SYN3: variants seen among roughly 807,000 people sequenced by gnomAD.
SYN3 encodes synapsin-3.
In SYN3, 35 loss-of-function variants were observed where a neutral mutation model predicts 65.8. The ratio of observed to expected loss-of-function variants is 0.53; its 90% CI spans 0.41 to 0.70. The LOEUF (loss-of-function observed/expected upper bound fraction) is 0.70. Among genes scored for constraint, SYN3 ranks in the 30% least tolerant of loss-of-function variants. The pLI, the probability that SYN3 is intolerant of heterozygous loss-of-function variation, is 0.00. For synonymous variants in SYN3, 270 were observed against 292.9 expected, an observed-to-expected ratio of 0.92 and a Z score of 0.80; for missense variants, 680 against 749.0, an observed-to-expected ratio of 0.91 and a Z score of 1.08.
intron 2 of SYN3, among the ~76,000 whole-genome samples, chr22:32,986,031 C>T (rs1221988574): frequency 6.6e-6 from 1 of 152,064 alleles, no homozygotes; most frequent in African/African-American, 2.4e-5. Flanking sequence ...CTGCCCTCTG[C>T]CCCCAAACAT....
chr22:32,607,777 C>T (rs1418400074), intron 6 of SYN3, among the ~76,000 whole-genome samples: 1 of 152,198 alleles, frequency 6.6e-6, no homozygotes, highest in African/African-American at 2.4e-5. Context: ...CTTGTTCTTG[C>T]CTGTGTGATG....
At chr22:32,877,690 T>G (rs1242941739) in intron 4 of SYN3, among the ~76,000 whole-genome samples, 1 of 152,152 alleles carries the variant, frequency 6.6e-6, no homozygotes, top group Non-Finnish European at 1.5e-5. Context: ...GCATGATCAC[T>G]GTCCCCCTTC....
intron 6 of SYN3, among the ~76,000 whole-genome samples, chr22:32,671,562 C>T (rs575634951): frequency 1.5e-5 from 2 of 135,790 alleles, no homozygotes; most frequent in African/African-American, 5.0e-5. Flanking sequence ...CACACACACA[C>T]ATGCTCTCAA....
intron 6 of SYN3, among the ~76,000 whole-genome samples, chr22:32,765,314 C>G (rs1332075642): frequency 2.6e-5 from 4 of 152,162 alleles, no homozygotes; most frequent in Non-Finnish European, 5.9e-5. Context: ...ACACCCGCCA[C>G]AAACCTCGCT....
chr22:32,937,029 A>G (rs2050793541), intron 3 of SYN3, among the ~76,000 whole-genome samples: 1 of 152,236 alleles, frequency 6.6e-6, no homozygotes. Flanking sequence ...GAATCTAACA[A>G]AACCCAGCAC....
At chr22:32,903,321 T>G (rs2049813539) in intron 4 of SYN3, among the ~76,000 whole-genome samples, 1 of 152,234 alleles carries the variant, frequency 6.6e-6, no homozygotes, top group African/African-American at 2.4e-5. Context: ...CAAGCTGTTA[T>G]GACCTGTGAG....
intron 4 of SYN3, among the ~76,000 whole-genome samples, chr22:32,889,619 A>G (rs949159383): frequency 1.3e-5 from 2 of 152,222 alleles, no homozygotes; most frequent in Non-Finnish European, 2.9e-5. Context: ...ATCAACGCAT[A>G]TATTTGTAAA....
At chr22:33,007,439 G>A (rs1238234847) in intron 1 of SYN3, among the ~76,000 whole-genome samples, 6 of 151,888 alleles carry the variant, frequency 4.0e-5, no homozygotes, top group Non-Finnish European at 7.4e-5. Flanking sequence ...ACTATGGACC[G>A]GCATGTCCCC....
intron 6 of SYN3, among the ~76,000 whole-genome samples, chr22:32,629,004 T>C (rs917387291): frequency 6.6e-6 from 1 of 152,084 alleles, no homozygotes; most frequent in Admixed American, 6.5e-5. Context: ...CTCCGCCTGA[T>C]AGAAAGAGAA....
At chr22:32,955,408 C>T (rs934006971) in intron 3 of SYN3, among the ~76,000 whole-genome samples, 3 of 152,010 alleles carry the variant, frequency 2.0e-5, no homozygotes, top group Non-Finnish European at 2.9e-5. Context: ...GACATTTGGG[C>T]AAAGCACCTG....
intron 5 of SYN3, 81 bp downstream of exon 5, chr22:32,868,885 C>T: frequency 1.4e-6 from 2 of 1,423,438 alleles, no homozygotes; most frequent in Admixed American, 2.1e-5. Context: ...GGCCTCCATG[C>T]TGGGGAGTGG....
At chr22:32,636,258 C>T (rs3788469) in intron 6 of SYN3, among the ~76,000 whole-genome samples, 67 of 152,130 alleles carry the variant, frequency 4.4e-4, no homozygotes, top group East Asian at 2.1e-3. Flanking sequence ...AAAAATCAGC[C>T]GGGCGTGGTG....
chr22:32,865,755 T>C (rs1232908671), intron 5 of SYN3, among the ~76,000 whole-genome samples: 2 of 152,142 alleles, frequency 1.3e-5, no homozygotes, highest in African/African-American at 4.8e-5. Flanking sequence ...GCTTTATTAT[T>C]GGAGCAACAA....
At chr22:32,686,090 A>C (rs1393874557) in intron 6 of SYN3, among the ~76,000 whole-genome samples, 1 of 152,210 alleles carries the variant, frequency 6.6e-6, no homozygotes, top group African/African-American at 2.4e-5. Context: ...TATAATGTTA[A>C]TTTTTATTTT....
rs200570563 is a variant in SYN3 at position 32,859,883 on chromosome 22, G to A, written c.711+5032C>T. 40 of 171,724 alleles carry A rather than the reference G, an allele frequency of 2.3e-4. 1 individual carries two copies. In the East Asian group the frequency reaches 5.2e-3, roughly 22 times the overall value. The allele number at this position is 171,724 out of a possible 1,614,324, so 10.6% of individuals were successfully genotyped here. A position where few individuals can be genotyped will look rare whatever the true frequency, so the allele number is the denominator to read the frequency against. Reference sequence around the variant, plus strand: ...CAGCAAGCAGATAGACTCAAGGTGTGTGAAAGATGTTATACACCAGGAGCT... The same window carrying A: ...CAGCAAGCAGATAGACTCAAGGTGTATGAAAGATGTTATACACCAGGAGCT... On this transcript the variant is annotated intron_variant, in intron 6 of 13. Transcript: ENST00000358763.
chr22:32,958,444 G>A (rs986127260), intron 3 of SYN3, among the ~76,000 whole-genome samples: 1 of 152,218 alleles, frequency 6.6e-6, no homozygotes, highest in Non-Finnish European at 1.5e-5. Context: ...AGTAGTTGGA[G>A]TCTTTGGAGA....
chr22:32,705,408 G>A lies in SYN3; in HGVS notation c.712-108672C>T, dbSNP rs544836065. Among the ~76,000 whole-genome samples the A allele has an allele frequency of 1.1e-4, 16 of 152,044 alleles. 1 individual carries two copies. In the South Asian group the frequency reaches 1.2e-3, roughly 12 times the overall value. ...CTTGTCTCTCTATTTGATTACATTCGTCCACATGCCTATTTTTGTACCAGT... is the reference window on the plus strand; with the variant it reads ...CTTGTCTCTCTATTTGATTACATTCATCCACATGCCTATTTTTGTACCAGT... On this transcript the variant is annotated intron_variant, in intron 6 of 13. Coordinates refer to ENST00000358763, the MANE Select transcript of SYN3 (RefSeq NM_003490.4).
chr22:32,709,572 A>G (rs776628908), intron 6 of SYN3, among the ~76,000 whole-genome samples: 2 of 152,330 alleles, frequency 1.3e-5, no homozygotes, highest in Middle Eastern at 6.8e-3. Context: ...TAAAAGATAG[A>G]AAAAATTCCA....
intron 6 of SYN3, among the ~76,000 whole-genome samples, chr22:32,609,681 A>G (rs985240051): frequency 6.6e-6 from 1 of 151,972 alleles, no homozygotes; most frequent in Non-Finnish European, 1.5e-5. Flanking sequence ...TGGAGGAGAC[A>G]GGGTCTCGCT....
Sources: allele counts gnomAD v4.1 joint callset (sites outside exome capture counted in the v4.1 genomes callset), GRCh38; gene constraint gnomAD v4.1.1; transcripts MANE v1.5; gene names NCBI Gene and HGNC (gene_info 2026-07-23, HGNC 2026-07-21).